FKBP14: variants seen among roughly 807,000 people sequenced by gnomAD.
The protein encoded by FKBP14 is peptidyl-prolyl cis-trans isomerase FKBP14.
Under a neutral mutation model 21.6 loss-of-function variants are expected in FKBP14, and 20 were observed. The observed-to-expected ratio is 0.92, with a 90% confidence interval of 0.65 to 1.34. The LOEUF is 1.34. FKBP14 is among the 40% of genes most tolerant of loss of function. The pLI, the probability that FKBP14 is intolerant of heterozygous loss-of-function variation, is 0.00. For missense variants in FKBP14, 253 were observed against 249.0 expected (o/e 1.02, Z -0.11); for synonymous variants, 79 against 86.7 (o/e 0.91, Z 0.49).
intron 1 of FKBP14, among the ~76,000 whole-genome samples, 182 bp from the exon 2 acceptor site, chr7:30,022,998 C>T (rs1790076916): frequency 6.6e-6 from 1 of 152,150 alleles, no homozygotes; most frequent in Non-Finnish European, 1.5e-5. Context: ...AATTCACTGC[C>T]CATCTTTCTT....
At chr7:30,010,162 C>T (rs559545060), downstream of FKBP14, among the ~76,000 whole-genome samples, 9 of 152,234 alleles carry the variant, frequency 5.9e-5, no homozygotes, top group East Asian at 5.8e-4. Flanking sequence ...ATGGCAACCC[C>T]GCATTTCGTT....
chr7:30,008,588 G>C (rs1047192741), downstream of FKBP14, among the ~76,000 whole-genome samples: 9 of 151,506 alleles, frequency 5.9e-5, no homozygotes, highest in Non-Finnish European at 1.0e-4. Context: ...GAGTGTGGTG[G>C]CATGTGTCTG....
intron 2 of FKBP14, 81 bp downstream of exon 2, chr7:30,022,584 T>A: frequency 7.0e-7 from 1 of 1,438,248 alleles, no homozygotes; most frequent in African/African-American, 1.4e-5. Flanking sequence ...AAAAAAAAAG[T>A]TATAGTGACT....
rs1562839339 is a variant in FKBP14, at chr7:30,022,835, A to C, written c.198-19T>G. 11 of 1,603,472 alleles carry C rather than the reference A, an allele frequency of 6.9e-6. No homozygotes were observed. Among genetic ancestry groups the C allele is most frequent in the Non-Finnish European group, 9.3e-6 (11 of 1,176,738 alleles). On this transcript the variant is annotated intron_variant, in intron 1 of 3. Transcript: ENST00000222803. ...TTTGTGACTATGATAGAAATAAAAC[A>C]CATTAGAACTCCTTATTAACTCTAA...
intron 1 of FKBP14, chr7:30,025,365 C>T (rs1193524770): frequency 6.6e-6 from 1 of 152,214 alleles, no homozygotes; most frequent in Non-Finnish European, 1.5e-5. Flanking sequence ...GCATTATTTA[C>T]TTGTCTTTCT....
chr7:30,016,915 T>TA (rs1789899610), intron 3 of FKBP14, among the ~76,000 whole-genome samples: 1 of 151,914 alleles, frequency 6.6e-6, no homozygotes, highest in Non-Finnish European at 1.5e-5. Flanking sequence ...ATGCAGTTGT[T>TA]AAAAAAAGGG....
At chr7:30,019,190 G>A in intron 2 of FKBP14, 67 bp from the exon 3 acceptor site, 1 of 1,482,358 alleles carries the variant, frequency 6.7e-7, no homozygotes, top group Non-Finnish European at 9.0e-7. Flanking sequence ...AAAATTTATG[G>A]TAATGGACAA....
intron 1 of FKBP14, among the ~76,000 whole-genome samples, chr7:30,023,565 G>C (rs1790091548): frequency 6.6e-6 from 1 of 152,204 alleles, no homozygotes; most frequent in South Asian, 2.1e-4. Flanking sequence ...GTCTGGAAGA[G>C]TAGCCCCTCA....
chr7:30,017,407 A>C (rs1487292845), intron 3 of FKBP14, among the ~76,000 whole-genome samples: 1 of 152,058 alleles, frequency 6.6e-6, no homozygotes, highest in Non-Finnish European at 1.5e-5. Flanking sequence ...TGTCTCTATT[A>C]AAAATACGAC....
At chr7:30,017,944 C>T (rs999290994) in intron 3 of FKBP14, among the ~76,000 whole-genome samples, 1 of 151,642 alleles carries the variant, frequency 6.6e-6, no homozygotes, top group Non-Finnish European at 1.5e-5. Context: ...TGCAGTGAGC[C>T]GAGATTTTGC....
downstream of FKBP14, among the ~76,000 whole-genome samples, chr7:30,009,868 G>A (rs539153253): frequency 4.6e-5 from 7 of 151,100 alleles, no homozygotes; most frequent in South Asian, 6.3e-4. Context: ...GCGTGGTGGC[G>A]CATGCCTGTA....
intron 1 of FKBP14, among the ~76,000 whole-genome samples, chr7:30,023,274 A>G: frequency 6.6e-6 from 1 of 152,198 alleles, no homozygotes; most frequent in East Asian, 1.9e-4. Flanking sequence ...CAGGAAGGCC[A>G]CTAGGTTGCA....
chr7:30,024,845 G>A (rs138311435), intron 1 of FKBP14, among the ~76,000 whole-genome samples: 1 of 152,354 alleles, frequency 6.6e-6, no homozygotes, highest in Admixed American at 6.5e-5. Context: ...AGTCAGCACA[G>A]GTTTTTGGTT....
Position 30,011,604 on chromosome 7 carries a change from A to G in FKBP14, c.*3131T>C. The G allele has an allele frequency of 7.7e-6, 1 of 129,794 alleles. No homozygotes were observed. Among genetic ancestry groups the G allele is most frequent in the Non-Finnish European group, 1.6e-5 (1 of 61,320 alleles). The allele number at this position is 129,794 out of a possible 1,614,324, so 8.0% of individuals were successfully genotyped here. On this transcript the variant is annotated 3_prime_UTR_variant, in exon 4 of 4. Coordinates refer to ENST00000222803, the MANE Select transcript of FKBP14 (RefSeq NM_017946.4). ...ATATATATATATAGTATATATATAT[A>G]TATATATTTTTTTTTTTAGATGGGG...
chr7:30,026,458 C>G lies in FKBP14; in HGVS notation c.51G>C (p.Leu17Phe). Residue 17 changes from leucine to phenylalanine, a missense_variant, in exon 1 of 4, where the codon TTG becomes TTC. Transcript: ENST00000222803. ...CTGGTTCAGGGATCAAAGCCCCAAT[C>G]AAAGAAGTGACGAACAGAGTCAAGA... ...NAVLTLFVTS[L>F]IGALIPEPEV... 5 of 1,614,034 alleles carry G rather than the reference C, an allele frequency of 3.1e-6. No individual in the cohort carries two copies. Among genetic ancestry groups the G allele is most frequent in the Non-Finnish European group, 4.2e-6 (5 of 1,179,954 alleles).
chr7:30,017,219 T>C (rs985341585), intron 3 of FKBP14, among the ~76,000 whole-genome samples: 5 of 150,280 alleles, frequency 3.3e-5, no homozygotes, highest in Admixed American at 6.6e-5. Context: ...TTAATAAAAC[T>C]GGATGTGGGG....
At position 30,026,619 on chromosome 7, in the gene FKBP14, G is replaced by A. The variant is rs1464344322; in HGVS notation, c.-111C>T. 4.4e-6 allele frequency: 4 copies of A among 915,100 alleles called. No individual in the cohort carries two copies. The East Asian group carries it at 1.1e-4, about 24-fold the overall frequency. 56.7% of individuals were successfully genotyped at this position (915,100 alleles called of 1,614,324 possible). ...CGGACAAGGGCTTCAGACAAGTTCA[G>A]GACTCCCCCTTCTTAGAAGACGTGG... On this transcript the variant is annotated 5_prime_UTR_variant, in exon 1 of 4. Coordinates refer to ENST00000222803, the MANE Select transcript of FKBP14 (RefSeq NM_017946.4).
chr7:30,021,721 AATTTTGT>A (rs1790035994), intron 2 of FKBP14, among the ~76,000 whole-genome samples: 1 of 152,050 alleles, frequency 6.6e-6, no homozygotes, highest in Non-Finnish European at 1.5e-5. Context: ...ACGTTCAGCT[AATTTTGT>A]ATTTTTAGTA....
rs938207693 is a variant in FKBP14 at position 30,011,617 on chromosome 7, T to G, written c.*3118A>C. On this transcript the variant is annotated 3_prime_UTR_variant, in exon 4 of 4. Coordinates refer to ENST00000222803, the MANE Select transcript of FKBP14 (RefSeq NM_017946.4). ...GTATATATATATATATATATTTTTTTTTTTAGATGGGGAGTCACTCTGTCA... is the reference window on the plus strand; with the variant it reads ...GTATATATATATATATATATTTTTTGTTTTAGATGGGGAGTCACTCTGTCA... 1 of 145,838 alleles carries G rather than the reference T, an allele frequency of 6.9e-6. No homozygotes were observed. The highest frequency in any genetic ancestry group is 2.1e-4 in the South Asian group (1 of 4,670). 9.0% of individuals were successfully genotyped at this position (145,838 alleles called of 1,614,324 possible). A position where few individuals can be genotyped will look rare whatever the true frequency, so the allele number is the denominator to read the frequency against.
Sources: gnomAD v4.1 joint callset for allele counts (sites outside exome capture counted in the v4.1 genomes callset) on GRCh38, gnomAD v4.1.1 for gene constraint, MANE v1.5 for transcripts, NCBI Gene and HGNC (gene_info 2026-07-23, HGNC 2026-07-21) for gene names.